The following MAP2 variants were observed in gnomAD, a reference collection of about 807,000 sequenced individuals.
The protein encoded by MAP2 is microtubule-associated protein 2.
A neutral mutation model predicts 137.6 loss-of-function variants in MAP2; 14 were observed. The ratio of observed to expected loss-of-function variants is 0.10; its 90% CI spans 0.07 to 0.16. MAP2 has a LOEUF of 0.16. MAP2 is among the 10% of genes least tolerant of loss of function. MAP2 has a pLI of 1.00. For missense variants in MAP2, 2,088 were observed against 2,191.5 expected (o/e 0.95, Z 0.94); for synonymous variants, 786 against 782.3 (o/e 1.00, Z -0.08).
At chr2:209,527,388 T>C (rs2064229457) in intron 2 of MAP2, among the ~76,000 whole-genome samples, 1 of 152,148 alleles carries the variant, frequency 6.6e-6, no homozygotes, top group South Asian at 2.1e-4. Flanking sequence ...TTTTGGCACA[T>C]CATAGTTGCT....
At chr2:209,526,029 T>C (rs2063989560) in intron 2 of MAP2, among the ~76,000 whole-genome samples, 1 of 152,190 alleles carries the variant, frequency 6.6e-6, no homozygotes, top group African/African-American at 2.4e-5. Context: ...TTTGTCAAAA[T>C]GGAATTCTTC....
intron 13 of MAP2, among the ~76,000 whole-genome samples, chr2:209,722,836 C>G (rs553478668): frequency 6.6e-6 from 1 of 152,304 alleles, no homozygotes; most frequent in East Asian, 1.9e-4. Flanking sequence ...AAGGCCTGAC[C>G]TATGTCTGTA....
intron 2 of MAP2, among the ~76,000 whole-genome samples, chr2:209,522,391 C>A (rs1334129253): frequency 6.6e-6 from 1 of 152,120 alleles, no homozygotes; most frequent in Non-Finnish European, 1.5e-5. Flanking sequence ...AGAAGTCTTG[C>A]AGGTTGGGAT....
At chr2:209,719,849 A>T (rs2069491741) in intron 13 of MAP2, among the ~76,000 whole-genome samples, 1 of 152,224 alleles carries the variant, frequency 6.6e-6, no homozygotes, top group South Asian at 2.1e-4. Context: ...TATGACCCTT[A>T]TGTGAATGGA....
intron 1 of MAP2, among the ~76,000 whole-genome samples, chr2:209,503,406 G>A (rs533216958): frequency 6.6e-6 from 1 of 151,948 alleles, no homozygotes; most frequent in South Asian, 2.1e-4. Context: ...TTTTTGGACA[G>A]TTTGATGTAG....
chr2:209,463,064 C>T (rs1703241613), intron 1 of MAP2, among the ~76,000 whole-genome samples: 1 of 152,024 alleles, frequency 6.6e-6, no homozygotes, highest in East Asian at 1.9e-4. Context: ...CTTCAAGACA[C>T]ACATGAGTGT....
At chr2:209,700,516 A>G (rs2061489060) in intron 11 of MAP2, among the ~76,000 whole-genome samples, 178 bp downstream of exon 11, 1 of 152,154 alleles carries the variant, frequency 6.6e-6, no homozygotes, top group Non-Finnish European at 1.5e-5. Context: ...GTCTTCTGGG[A>G]TGGCGTATGA....
chr2:209,590,237 TA>T (rs1488404301), intron 3 of MAP2, among the ~76,000 whole-genome samples: 1 of 150,626 alleles, frequency 6.6e-6, no homozygotes, highest in African/African-American at 2.5e-5. Flanking sequence ...CCCTTCCTAT[TA>T]TTTTTTTCCC....
At chr2:209,506,720 C>A (rs288065) in intron 1 of MAP2, among the ~76,000 whole-genome samples, 125,117 of 152,106 alleles carry the variant, frequency 0.82, 52,572 homozygotes, top group Non-Finnish European at 0.93. Context: ...CAAGAGACCA[C>A]TGGAAAGATT....
intron 3 of MAP2, among the ~76,000 whole-genome samples, chr2:209,582,411 C>T (rs985041301): frequency 2.0e-5 from 3 of 152,100 alleles, no homozygotes; most frequent in African/African-American, 7.2e-5. Context: ...TCCCCTTTCA[C>T]TTTCATCAGC....
intron 2 of MAP2, among the ~76,000 whole-genome samples, chr2:209,556,652 T>A: frequency 2.4e-5 from 3 of 123,498 alleles, no homozygotes; most frequent in African/African-American, 7.7e-5. Context: ...GGCAACATAA[T>A]CTGGCCTATT....
At chr2:209,542,234 T>C (rs2067184510) in intron 2 of MAP2, among the ~76,000 whole-genome samples, 1 of 152,218 alleles carries the variant, frequency 6.6e-6, no homozygotes, top group Admixed American at 6.5e-5. Context: ...AGAAATCTTT[T>C]TTTCTGAGCA....
chr2:209,595,931 A>T lies in MAP2; in HGVS notation c.-107+15831A>T, dbSNP rs563462918. On this transcript the variant is annotated intron_variant, in intron 3 of 15. Transcript: ENST00000682079. Reference sequence around the variant, plus strand: ...GAGAACACTTGGACACAGGGCAGGGAACATCACACCTCAGGGCCTGTCATG... The same window carrying T: ...GAGAACACTTGGACACAGGGCAGGGTACATCACACCTCAGGGCCTGTCATG... Among the ~76,000 whole-genome samples, 7 of 152,228 alleles carry T rather than the reference A, an allele frequency of 4.6e-5. No individual in the cohort carries two copies. The South Asian group carries it at 1.2e-3, about 27-fold the overall frequency.
chr2:209,624,230 TC>T (rs1250038409), intron 3 of MAP2, among the ~76,000 whole-genome samples: 1 of 152,106 alleles, frequency 6.6e-6, no homozygotes, highest in Non-Finnish European at 1.5e-5. Flanking sequence ...TATGACGGGG[TC>T]CACTCTACCA....
intron 7 of MAP2, among the ~76,000 whole-genome samples, chr2:209,691,409 A>G (rs2153711821): frequency 6.6e-6 from 1 of 152,274 alleles, no homozygotes; most frequent in East Asian, 1.9e-4. Context: ...CCTTCTGATC[A>G]TCCCCATATC....
chr2:209,593,849 T>C (rs1322804793), intron 3 of MAP2, among the ~76,000 whole-genome samples: 5 of 100,406 alleles, frequency 5.0e-5, no homozygotes, highest in Non-Finnish European at 2.0e-5. Flanking sequence ...TTATAATATA[T>C]ATTATAAAAT....
chr2:209,719,150 G>A (rs2069048482), intron 13 of MAP2, among the ~76,000 whole-genome samples: 1 of 152,304 alleles, frequency 6.6e-6, no homozygotes, highest in Admixed American at 6.5e-5. Flanking sequence ...AGGTTAAAGG[G>A]AAGTCAGTTG....
chr2:209,506,320 G>A (rs2061052223), intron 1 of MAP2, among the ~76,000 whole-genome samples: 1 of 152,094 alleles, frequency 6.6e-6, no homozygotes, highest in Admixed American at 6.6e-5. Context: ...TGGTTTACTA[G>A]TATTTTCTTT....
chr2:209,619,363 A>G (rs1056746482), intron 3 of MAP2, among the ~76,000 whole-genome samples: 10 of 152,168 alleles, frequency 6.6e-5, no homozygotes, highest in African/African-American at 2.4e-4. Flanking sequence ...ATGTATACAT[A>G]TTTCAAAACA....
Sources: gnomAD v4.1 joint callset for allele counts (sites outside exome capture counted in the v4.1 genomes callset) on GRCh38, gnomAD v4.1.1 for gene constraint, MANE v1.5 for transcripts, NCBI Gene and HGNC (gene_info 2026-07-23, HGNC 2026-07-21) for gene names.